RREB1: variants seen among roughly 807,000 people sequenced by gnomAD.
RREB1 encodes the protein ras responsive element binding protein 1.
A neutral mutation model predicts 117.8 loss-of-function variants in RREB1; 27 were observed. That is an observed-to-expected ratio of 0.23 (90% CI 0.17 to 0.32). The LOEUF is 0.32. Ranked by LOEUF, RREB1 falls within the 10% of genes least tolerant of loss-of-function variation. RREB1 has a pLI of 1.00. For missense variants in RREB1, 2,577 were observed against 2,378.2 expected, an observed-to-expected ratio of 1.08 and a Z score of -1.74; for synonymous variants, 1,298 against 1,026.7, an observed-to-expected ratio of 1.26 and a Z score of -5.05.
rs1415168999 is a variant in RREB1 at position 7,248,643 on chromosome 6, G to T, written c.4904G>T (p.Arg1635Leu). Reference sequence around the variant, plus strand: ...GGGAAGGACAGCGACAAGGAAGAGCGGGGTGAGGAGGACAGCGAGAATGAG... The same window carrying T: ...GGGAAGGACAGCGACAAGGAAGAGCTGGGTGAGGAGGACAGCGAGAATGAG... The part of the protein sequence containing the change: ...HHGKDSDKEE[R>L]GEEDSENEST... The change falls in exon 13 of 13, where the codon CGG becomes CTG. Residue 1635 changes from arginine to leucine, a missense_variant. Physicochemically the swap from Arg to Leu is moderately radical, Grantham distance 102. Coordinates refer to ENST00000379938, the MANE Select transcript of RREB1 (RefSeq NM_001003699.4). 7 of 1,614,238 alleles carry T rather than the reference G, an allele frequency of 4.3e-6. No individual in the cohort carries two copies. Among genetic ancestry groups the T allele is most frequent in the East Asian group, 2.2e-5 (1 of 44,890 alleles).
intron 8 of RREB1, among the ~76,000 whole-genome samples, chr6:7,221,335 A>AT (rs1457149146): frequency 1.3e-5 from 2 of 151,080 alleles, no homozygotes; most frequent in African/African-American, 2.4e-5. Flanking sequence ...CGCCCGGCTA[A>AT]TTTTTTGTAT....
chr6:7,188,704 A>G (rs1765237815), intron 5 of RREB1, among the ~76,000 whole-genome samples: 2 of 152,186 alleles, frequency 1.3e-5, no homozygotes, highest in Admixed American at 6.5e-5. Context: ...ACCGTCTTTC[A>G]GAGGCCAAAA....
intron 1 of RREB1, among the ~76,000 whole-genome samples, chr6:7,176,130 T>A: frequency 6.6e-6 from 1 of 152,232 alleles, no homozygotes; most frequent in Non-Finnish European, 1.5e-5. Flanking sequence ...TTGTCCAGGC[T>A]GGTCTCGAAC....
At chr6:7,205,176 A>G (rs901227792) in intron 6 of RREB1, among the ~76,000 whole-genome samples, 1 of 152,206 alleles carries the variant, frequency 6.6e-6, no homozygotes, top group African/African-American at 2.4e-5. Context: ...AGGCTTCAGT[A>G]TCACCTGCAG....
intron 5 of RREB1, 38 bp from the exon 6 acceptor site, chr6:7,189,121 C>G: frequency 1.3e-6 from 2 of 1,579,464 alleles, no homozygotes; most frequent in Non-Finnish European, 1.7e-6. Flanking sequence ...TTCTGATGCA[C>G]TTTCTTAAGT....
intron 1 of RREB1, among the ~76,000 whole-genome samples, chr6:7,141,697 C>T (rs1762600272): frequency 6.6e-6 from 1 of 152,196 alleles, no homozygotes; most frequent in South Asian, 2.1e-4. Context: ...AAAGAAAAAC[C>T]ACGTATCTAG....
chr6:7,220,816 G>A lies in RREB1; in HGVS notation c.708-5651G>A, dbSNP rs573923071. Among the ~76,000 whole-genome samples, 36 of 152,300 alleles carry A rather than the reference G, an allele frequency of 2.4e-4. No homozygotes were observed. In the South Asian group the frequency reaches 5.0e-3, roughly 21 times the overall value. On this transcript the variant is annotated intron_variant, in intron 8 of 12. Coordinates refer to ENST00000379938, the MANE Select transcript of RREB1 (RefSeq NM_001003699.4). ...TGAGCCCCTGGCAGAGTGGAGATAC[G>A]CCACAGACGGGTTGAGGAGAGAGTC...
intron 4 of RREB1, among the ~76,000 whole-genome samples, chr6:7,184,135 G>A (rs1764945679): frequency 6.6e-6 from 1 of 151,936 alleles, no homozygotes; most frequent in African/African-American, 2.4e-5. Flanking sequence ...GATTGCTTGA[G>A]CCCAGGGGTT....
intron 1 of RREB1, among the ~76,000 whole-genome samples, chr6:7,142,636 C>T (rs1264192477): frequency 6.6e-6 from 1 of 152,256 alleles, no homozygotes; most frequent in Non-Finnish European, 1.5e-5. Flanking sequence ...GCTGGCGCCT[C>T]TGCAGCCATG....
In RREB1 at chr6:7,145,894, C is replaced by A. The variant is rs2113405628; in HGVS notation, c.-284-30761C>A. On this transcript the variant is annotated intron_variant, in intron 1 of 12. Coordinates refer to ENST00000379938, the MANE Select transcript of RREB1 (RefSeq NM_001003699.4). ...GGAAGAAAGGGGTTGCTGTTTGCATCTATTTGCCAGAAAGGAGTTAACAGA... is the reference window on the plus strand; with the variant it reads ...GGAAGAAAGGGGTTGCTGTTTGCATATATTTGCCAGAAAGGAGTTAACAGA... Among the ~76,000 whole-genome samples, 3 of 152,030 alleles carry A rather than the reference C, an allele frequency of 2.0e-5. No individual in the cohort carries two copies. In the Middle Eastern group the frequency reaches 0.01, roughly 517 times the overall value.
At chr6:7,131,164 G>A (rs1366434218) in intron 1 of RREB1, among the ~76,000 whole-genome samples, 4 of 151,196 alleles carry the variant, frequency 2.6e-5, no homozygotes, top group African/African-American at 7.3e-5. Flanking sequence ...CTGACCTTGC[G>A]ATCCATCCAC....
chr6:7,156,289 G>T (rs576999724), intron 1 of RREB1, among the ~76,000 whole-genome samples: 1 of 152,278 alleles, frequency 6.6e-6, no homozygotes, highest in African/African-American at 2.4e-5. Context: ...ATTTGCTTAG[G>T]TACTTCAGCA....
At chr6:7,221,609 A>T (rs1412758637) in intron 8 of RREB1, among the ~76,000 whole-genome samples, 1 of 152,198 alleles carries the variant, frequency 6.6e-6, no homozygotes, top group Non-Finnish European at 1.5e-5. Flanking sequence ...TTGAAATTCC[A>T]TGAAAAGGGT....
At chr6:7,244,776 C>CT (rs1287255539) in intron 11 of RREB1, among the ~76,000 whole-genome samples, 2 of 152,146 alleles carry the variant, frequency 1.3e-5, no homozygotes, top group African/African-American at 2.4e-5. Flanking sequence ...TGGGTAAAGC[C>CT]TAAAGCCCCA....
chr6:7,209,091 C>A (rs1318148686), intron 6 of RREB1, among the ~76,000 whole-genome samples: 1 of 152,188 alleles, frequency 6.6e-6, no homozygotes, highest in Non-Finnish European at 1.5e-5. Flanking sequence ...AAAACAGCTT[C>A]TTTCATAAAT....
At chr6:7,237,073 T>C (rs9502565) in intron 10 of RREB1, among the ~76,000 whole-genome samples, 4,878 of 151,530 alleles carry the variant, frequency 0.032, 226 homozygotes, top group African/African-American at 0.11. Flanking sequence ...CAAGTGCACA[T>C]CACCATGCCT....
At chr6:7,142,407 C>G (rs1762646554) in intron 1 of RREB1, among the ~76,000 whole-genome samples, 1 of 152,190 alleles carries the variant, frequency 6.6e-6, no homozygotes, top group South Asian at 2.1e-4. Flanking sequence ...TGTCCTCCCG[C>G]CTGCCCTCGG....
chr6:7,230,216 A>G lies in RREB1; in HGVS notation c.2117A>G (p.Tyr706Cys). The G allele has an allele frequency of 3.7e-6, 6 of 1,604,958 alleles. No homozygotes were observed. The highest frequency in any genetic ancestry group is 5.1e-6 in the Non-Finnish European group (6 of 1,179,868). Residue 706 changes from tyrosine to cysteine, a missense_variant, in exon 10 of 13, where the codon TAC becomes TGC. By Grantham distance (194) the Tyr-to-Cys change is radical. Coordinates refer to ENST00000379938, the MANE Select transcript of RREB1 (RefSeq NM_001003699.4). ...ERPYICKICHYPFTVKANCER... is the reference protein window; with the variant it reads ...ERPYICKICHCPFTVKANCER... ...CCCTACATTTGCAAGATCTGCCACT[A>G]CCCCTTCACTGTCAAAGCCAACTGC... is the stretch of plus-strand genomic sequence containing the variant.
At chr6:7,125,445 T>TG (rs1299855410) in intron 1 of RREB1, among the ~76,000 whole-genome samples, 1 of 152,104 alleles carries the variant, frequency 6.6e-6, no homozygotes, top group East Asian at 1.9e-4. Flanking sequence ...ATGTGGTTAA[T>TG]GGGGGGGCCT....
Sources: allele counts gnomAD v4.1 joint callset (sites outside exome capture counted in the v4.1 genomes callset), GRCh38; gene constraint gnomAD v4.1.1; transcripts MANE v1.5; gene names NCBI Gene and HGNC (gene_info 2026-07-23, HGNC 2026-07-21).